Variants in MEP1A observed in about 807,000 individuals in gnomAD.
The protein encoded by MEP1A is N-benzoyl-L-tyrosyl-P-amino-benzoic acid hydrolase subunit alpha.
MEP1A carries 68 observed loss-of-function variants against 84.5 expected under a neutral mutation model. That is an observed-to-expected ratio of 0.80 (90% CI 0.66 to 0.98). The LOEUF (loss-of-function observed/expected upper bound fraction) is 0.98. Ranked by LOEUF, MEP1A falls within the 50% of genes least tolerant of loss-of-function variation. The pLI is 0.00. For missense variants in MEP1A, 887 were observed against 919.9 expected, an observed-to-expected ratio of 0.96 and a Z score of 0.46; for synonymous variants, 337 against 336.8, an observed-to-expected ratio of 1.00 and a Z score of -0.01.
In MEP1A at chr6:46,834,750, A is replaced by G. The variant is rs1483867280; in HGVS notation, c.1782A>G (p.Glu594=). 6.2e-7 allele frequency: 1 copy of G among 1,609,764 alleles called. No homozygotes were observed. The highest frequency in any genetic ancestry group is 8.5e-7 in the Non-Finnish European group (1 of 1,178,304). The change falls in exon 12 of 14, where the codon GAA becomes GAG. Residue 594 remains glutamate, a splice_region_variant and synonymous_variant. Transcript: ENST00000230588. ...ACCTCATCATATTTGTGGACTTTGA[A>G]GGTACTTTTGTTGGTCTTCCTGAGT... is the stretch of plus-strand genomic sequence containing the variant. ...NDDLIIFVDF[E]DITHLSQTEV...
chr6:46,817,814 C>T (rs1307711596), intron 6 of MEP1A, among the ~76,000 whole-genome samples: 1 of 152,150 alleles, frequency 6.6e-6, no homozygotes, highest in African/African-American at 2.4e-5. Flanking sequence ...TCTGGGAAAC[C>T]TAATCACCTA....
chr6:46,814,595 T>C (rs1417979749), intron 6 of MEP1A, among the ~76,000 whole-genome samples: 1 of 152,210 alleles, frequency 6.6e-6, no homozygotes, highest in Non-Finnish European at 1.5e-5. Context: ...TGCACTGACA[T>C]GATCTTTTGG....
At chr6:46,795,743 A>G (rs1379495204) in intron 3 of MEP1A, among the ~76,000 whole-genome samples, 1 of 152,114 alleles carries the variant, frequency 6.6e-6, no homozygotes, top group African/African-American at 2.4e-5. Context: ...CCTAAAGACT[A>G]TTCTGCACAA....
At position 46,826,350 on chromosome 6, in the gene MEP1A, G is replaced by A. The variant is rs761641082; in HGVS notation, c.779-4G>A. ...TAACCAGATGATAAAAATATAATTT[G>A]CAGCCACAACTCACACTCTTTTGGA... On this transcript the variant is annotated splice_polypyrimidine_tract_variant and splice_region_variant and intron_variant, in intron 8 of 13. Transcript: ENST00000230588. 3 of 1,576,586 alleles carry A rather than the reference G, an allele frequency of 1.9e-6. No individual in the cohort carries two copies. Among genetic ancestry groups the A allele is most frequent in the Admixed American group, 1.9e-5 (1 of 53,834 alleles).
In MEP1A at chr6:46,824,063, C is replaced by A. The variant is rs1767844049; in HGVS notation, c.557-1209C>A. Among the ~76,000 whole-genome samples the A allele has an allele frequency of 2.6e-5, 4 of 152,160 alleles. 1 individual carries two copies. The South Asian group carries it at 8.3e-4, about 32-fold the overall frequency. ...TTCCCTCTGCCCCTCAGATTTCCTTCTCCTAACCCATGAAGAGTAGGCCAG... is the reference window on the plus strand; with the variant it reads ...TTCCCTCTGCCCCTCAGATTTCCTTATCCTAACCCATGAAGAGTAGGCCAG... On this transcript the variant is annotated intron_variant, in intron 7 of 13. Transcript: ENST00000230588.
intron 6 of MEP1A, among the ~76,000 whole-genome samples, chr6:46,816,784 G>C (rs2150748413): frequency 6.6e-6 from 1 of 152,282 alleles, no homozygotes; most frequent in Middle Eastern, 3.4e-3. Context: ...GGCTGCATGG[G>C]AACAGGTTGA....
Position 46,829,555 on chromosome 6 carries a change from G to A in MEP1A, c.1128G>A (p.Lys376=). The A allele has an allele frequency of 2.5e-6, 4 of 1,613,956 alleles. No homozygotes were observed. The highest frequency in any genetic ancestry group is 4.5e-5 in the East Asian group (2 of 44,858). ...DSTGNVRKLV[K]VQTFQGDDDH... is the part of the protein sequence containing the mutation. ...CAGGCAATGTTCGCAAGTTGGTGAA[G>A]GTGCAGACTTTTCAAGGTACTTAGA... is the stretch of plus-strand genomic sequence containing the variant. The change falls in exon 10 of 14, where the codon AAG becomes AAA. Residue 376 remains lysine, a synonymous_variant. Transcript: ENST00000230588.
At chr6:46,819,346 C>G (rs1767712372) in intron 6 of MEP1A, among the ~76,000 whole-genome samples, 183 bp from the exon 7 acceptor site, 1 of 152,144 alleles carries the variant, frequency 6.6e-6, no homozygotes, top group Non-Finnish European at 1.5e-5. Context: ...ACAGTATTCC[C>G]TCTAGGGAAT....
intron 5 of MEP1A, among the ~76,000 whole-genome samples, chr6:46,809,213 A>C (rs1231351365): frequency 6.6e-6 from 1 of 152,106 alleles, no homozygotes; most frequent in Admixed American, 6.6e-5. Flanking sequence ...TAAGGTATGC[A>C]CTTAATGTTT....
intron 5 of MEP1A, among the ~76,000 whole-genome samples, chr6:46,801,498 A>G (rs1767196894): frequency 6.6e-6 from 1 of 152,044 alleles, no homozygotes; most frequent in African/African-American, 2.4e-5. Context: ...AGGATTTTAT[A>G]TATTATGGCT....
chr6:46,845,814 C>A, the MEP1A span, among the ~76,000 whole-genome samples: 1 of 152,072 alleles, frequency 6.6e-6, no homozygotes, highest in Non-Finnish European at 1.5e-5. Flanking sequence ...GTATCTTTCC[C>A]ATTATATGGT....
Position 46,807,840 on chromosome 6 carries a change from G to GAAAGGAAGA in MEP1A, c.263-1578_263-1577insAGGAAGAAA, listed in dbSNP as rs1562107182. 4.3e-3 allele frequency among the ~76,000 whole-genome samples: 466 copies of GAAAGGAAGA among 107,556 alleles called. 1 individual carries two copies. Among genetic ancestry groups the GAAAGGAAGA allele is most frequent in the Middle Eastern group, 0.013 (3 of 234 alleles). The allele number at this position is 107,556 out of a possible 152,430, so 70.6% of individuals were successfully genotyped here. The stretch of plus-strand genomic sequence containing the variant: ...GAAAGAAAGAAAGAAAGAAAGAAAG[G>GAAAGGAAGA]AAGAAAGGAAATAAATCAGTCAAAT... On this transcript the variant is annotated intron_variant, in intron 5 of 13. Transcript: ENST00000230588.
intron 3 of MEP1A, 137 bp downstream of exon 3, chr6:46,793,853 G>C: frequency 1.5e-6 from 1 of 647,356 alleles, no homozygotes; most frequent in African/African-American, 1.9e-5. Context: ...GTGAGAAATT[G>C]CATTTTCTGA....
chr6:46,834,752 G>T lies in MEP1A; in HGVS notation c.1783+1G>T, dbSNP rs1258763051. On this transcript the variant is annotated splice_donor_variant, in intron 12 of 13. Transcript: ENST00000230588. LOFTEE classifies it high-confidence loss of function. ...CTCATCATATTTGTGGACTTTGAAG[G>T]TACTTTTGTTGGTCTTCCTGAGTAA... 2 of 1,609,296 alleles carry T rather than the reference G, an allele frequency of 1.2e-6. No homozygotes were observed. Among genetic ancestry groups the T allele is most frequent in the African/African-American group, 1.3e-5 (1 of 74,868 alleles).
chr6:46,825,006 G>GTATTTAAATAGATCTATTTAAA lies in MEP1A; in HGVS notation c.557-263_557-262insTTAAATAGATCTATTTAAATAT, dbSNP rs1562113939. Among the ~76,000 whole-genome samples the GTATTTAAATAGATCTATTTAAA allele has an allele frequency of 1.2e-4, 5 of 40,846 alleles. 1 individual carries two copies. Among genetic ancestry groups the GTATTTAAATAGATCTATTTAAA allele is most frequent in the African/African-American group, 2.8e-4 (3 of 10,588 alleles). The allele number at this position is 40,846 out of a possible 152,430, so 26.8% of individuals were successfully genotyped here. ...TATATATTTAAATAGATCTATTTAAGTATATATAAATTATATATTTAAATA... is the reference window on the plus strand; with the variant it reads ...TATATATTTAAATAGATCTATTTAAGTATTTAAATAGATCTATTTAAATATATATAAATTATATATTTAAATA... On this transcript the variant is annotated intron_variant, in intron 7 of 13. Transcript: ENST00000230588.
intron 5 of MEP1A, among the ~76,000 whole-genome samples, chr6:46,803,873 A>G (rs1767251903): frequency 6.6e-6 from 1 of 151,614 alleles, no homozygotes; most frequent in Admixed American, 6.6e-5. Flanking sequence ...GGATAAAAGT[A>G]TGTTTACATT....
intron 3 of MEP1A, among the ~76,000 whole-genome samples, chr6:46,794,994 C>G (rs1266276179): frequency 6.6e-6 from 1 of 152,158 alleles, no homozygotes; most frequent in Non-Finnish European, 1.5e-5. Context: ...ACCAAACCAC[C>G]AGGATTGATT....
chr6:46,800,952 G>A (rs1767186169), intron 5 of MEP1A, among the ~76,000 whole-genome samples: 1 of 151,964 alleles, frequency 6.6e-6, no homozygotes, highest in Non-Finnish European at 1.5e-5. Flanking sequence ...TTTGACTTAT[G>A]TTTTTTAAGT....
rs2149573 is a variant in MEP1A, at chr6:46,829,103, A to G, written c.929-253A>G. ...TTGAAGCCTGTGTTTCTTTAAGTCA[A>G]AGGTATATATTTCACAATCTTGGAA... On this transcript the variant is annotated intron_variant, in intron 9 of 13. Coordinates refer to ENST00000230588, the MANE Select transcript of MEP1A (RefSeq NM_005588.3). Among the ~76,000 whole-genome samples, 64,309 of 152,090 alleles carry G rather than the reference A, an allele frequency of 0.42. 13,956 individuals are homozygous for G. The highest frequency in any genetic ancestry group is 0.5 in the African/African-American group (20,650 of 41,478).
Sources: gnomAD v4.1 joint callset for allele counts (sites outside exome capture counted in the v4.1 genomes callset) on GRCh38, gnomAD v4.1.1 for gene constraint, MANE v1.5 for transcripts, NCBI Gene and HGNC (gene_info 2026-07-23, HGNC 2026-07-21) for gene names.